Variants in S1PR2 observed in about 807,000 individuals in gnomAD.
S1PR2 encodes sphingosine-1-phosphate receptor 2, also known as sphingosine 1-phosphate receptor 2.
In S1PR2, 9 loss-of-function variants were observed where a neutral mutation model predicts 16.1. The observed-to-expected ratio is 0.56, with a 90% CI of 0.34 to 0.98. The LOEUF is 0.98. Among genes scored for constraint, S1PR2 ranks in the 50% least tolerant of loss-of-function variants. The pLI, the probability that S1PR2 is intolerant of heterozygous loss-of-function variation, is 0.02. For missense variants in S1PR2, 361 were observed against 488.4 expected (o/e 0.74, Z 2.46); for synonymous variants, 224 against 233.9 (o/e 0.96, Z 0.38).
chr19:10,224,796 G>A lies in S1PR2; in HGVS notation c.110C>T (p.Ser37Leu), dbSNP rs1363334635. The stretch of plus-strand genomic sequence containing the variant: ...GCAACAGAGGATGACGATGAAGGCC[G>A]AGGCCACCTGGCGGGAGGTCGTCTC... ...TQETTSRQVA[S>L]AFIVILCCAI... Residue 37 changes from serine to leucine, a missense_variant, in exon 2 of 2, where the codon TCG (serine) becomes TTG (leucine). By Grantham distance (145) the Ser-to-Leu change is moderately radical. Coordinates refer to ENST00000646641, the MANE Select transcript of S1PR2 (RefSeq NM_004230.4). The A allele has an allele frequency of 4.3e-6, 7 of 1,614,130 alleles. No homozygotes were observed. The highest frequency in any genetic ancestry group is 5.9e-6 in the Non-Finnish European group (7 of 1,180,052).
At chr19:10,225,980 G>A (rs199814671) in intron 1 of S1PR2, among the ~76,000 whole-genome samples, 7 of 151,842 alleles carry the variant, frequency 4.6e-5, no homozygotes, top group African/African-American at 7.3e-5. Flanking sequence ...GTAGCTACAC[G>A]CTTTCAAAGG....
At chr19:10,225,245 C>T (rs1035269465) in intron 1 of S1PR2, among the ~76,000 whole-genome samples, 1 of 152,066 alleles carries the variant, frequency 6.6e-6, no homozygotes, top group Non-Finnish European at 1.5e-5. Context: ...ATTTTAAAGA[C>T]AAGGTCTTGC....
chr19:10,230,829 G>A (rs1202859351), intron 1 of S1PR2, among the ~76,000 whole-genome samples: 2 of 152,298 alleles, frequency 1.3e-5, no homozygotes, highest in Admixed American at 6.5e-5. Flanking sequence ...ACATCCTTTT[G>A]CCCTCGCTCA....
At position 10,224,620 on chromosome 19, in the gene S1PR2, CAG is replaced by C. The variant is rs1175320455; in HGVS notation, c.284_285del (p.Ser95CysfsTer34). The C allele has an allele frequency of 2.5e-6, 4 of 1,614,074 alleles. No individual in the cohort carries two copies. On this transcript the variant is annotated frameshift_variant, in exon 2 of 2. Coordinates refer to ENST00000646641, the MANE Select transcript of S1PR2 (RefSeq NM_004230.4). LOFTEE classifies it high-confidence loss of function. ...AFVANTLLSG[S>X]VTLRLTPVQW... is the part of the protein sequence containing the mutation. Reference sequence around the variant, plus strand: ...TGCACAGGCGTCAGCCTCAGCGTGACAGAGCCAGAGAGCAAGGTATTGGCTAC... The same window carrying C: ...TGCACAGGCGTCAGCCTCAGCGTGACAGCCAGAGAGCAAGGTATTGGCTAC...
chr19:10,224,187 C>T lies in S1PR2; in HGVS notation c.719G>A (p.Gly240Asp). Residue 240 changes from glycine to aspartate, a missense_variant, in exon 2 of 2, where the codon GGC (glycine) becomes GAC (aspartate). Gly to Asp is a moderately conservative substitution (Grantham distance 94). Transcript: ENST00000646641. Reference protein sequence around the residue: ...ALLKTVTIVLGVFIVCWLPAF... With the variant: ...ALLKTVTIVLDVFIVCWLPAF... ...GGGCAGCCAGCAGACGATAAAGACG[C>T]CTAGCACGATGGTGACCGTCTTGAG... The T allele has an allele frequency of 6.2e-7, 1 of 1,610,966 alleles. No individual in the cohort carries two copies. Among genetic ancestry groups the T allele is most frequent in the Non-Finnish European group, 8.5e-7 (1 of 1,180,026 alleles).
chr19:10,225,640 C>T (rs906954226), intron 1 of S1PR2, among the ~76,000 whole-genome samples: 8 of 151,868 alleles, frequency 5.3e-5, no homozygotes, highest in Non-Finnish European at 7.4e-5. Context: ...CCTCATGATC[C>T]GCCTGCCTCG....
chr19:10,225,044 C>T (rs2039623660), intron 1 of S1PR2, 97 bp from the exon 2 acceptor site: 2 of 655,378 alleles, frequency 3.1e-6, no homozygotes, highest in Non-Finnish European at 5.2e-6. Context: ...ATTTCCTGCT[C>T]TGTTACTCTT....
intron 1 of S1PR2, among the ~76,000 whole-genome samples, chr19:10,226,675 C>A (rs2039637107): frequency 6.6e-6 from 1 of 152,134 alleles, no homozygotes; most frequent in Non-Finnish European, 1.5e-5. Context: ...GGCGCTGGCA[C>A]CCCCTCCCCA....
rs1372790217 is a variant in S1PR2, at chr19:10,221,886, T to TC, written c.*1957dup. ...TATCCACAGGTTTTTGTGAAGTCCT[T>TC]CTGGGGGGTTAGGGGAGAGTGTCCC... is the stretch of plus-strand genomic sequence containing the variant. On this transcript the variant is annotated 3_prime_UTR_variant, in exon 2 of 2. Transcript: ENST00000646641. 6.6e-6 allele frequency: 1 copy of TC among 152,536 alleles called. No individual in the cohort carries two copies. The highest frequency in any genetic ancestry group is 1.5e-5 in the Non-Finnish European group (1 of 68,230). 9.4% of individuals were successfully genotyped at this position (152,536 alleles called of 1,614,324 possible).
chr19:10,230,071 C>T (rs1242536794), intron 1 of S1PR2, among the ~76,000 whole-genome samples: 1 of 152,232 alleles, frequency 6.6e-6, no homozygotes, highest in Non-Finnish European at 1.5e-5. Context: ...ACCCAAACAG[C>T]AACAAAGGAG....
In S1PR2 at chr19:10,224,478, T is replaced by C; in HGVS notation, c.428A>G (p.Asp143Gly). The part of the protein sequence containing the change: ...AIAKVKLYGS[D>G]KSCRMLLLIG... Reference sequence around the variant, plus strand: ...GAGCAGAAGCATGCGGCAGCTCTTGTCGCTGCCATACAGCTTGACCTTGGC... The same window carrying C: ...GAGCAGAAGCATGCGGCAGCTCTTGCCGCTGCCATACAGCTTGACCTTGGC... Residue 143 changes from aspartate to glycine, a missense_variant, in exon 2 of 2, where the codon GAC becomes GGC. Asp to Gly is a moderately conservative substitution (Grantham distance 94). Coordinates refer to ENST00000646641, the MANE Select transcript of S1PR2 (RefSeq NM_004230.4). 6.2e-7 allele frequency: 1 copy of C among 1,613,852 alleles called. No individual in the cohort carries two copies. The highest frequency in any genetic ancestry group is 8.5e-7 in the Non-Finnish European group (1 of 1,180,034).
chr19:10,223,507 G>T lies in S1PR2; in HGVS notation c.*337C>A. 2.2e-5 allele frequency: 6 copies of T among 275,344 alleles called. No individual in the cohort carries two copies. Among genetic ancestry groups the T allele is most frequent in the Non-Finnish European group, 2.7e-5 (4 of 146,406 alleles). The allele number at this position is 275,344 out of a possible 1,614,324, so 17.1% of individuals were successfully genotyped here. A position where few individuals can be genotyped will look rare whatever the true frequency, so the allele number is the denominator to read the frequency against. ...TCTCAAAAAAAAAAAAAAATCCTTT[G>T]TACCAGGTGGTAAAGTGCTCCTGCC... On this transcript the variant is annotated 3_prime_UTR_variant, in exon 2 of 2. Coordinates refer to ENST00000646641, the MANE Select transcript of S1PR2 (RefSeq NM_004230.4).
rs554428190 is a variant in S1PR2 at position 10,230,814 on chromosome 19, C to G, written c.-43+390G>C. Among the ~76,000 whole-genome samples the G allele has an allele frequency of 1.8e-3, 276 of 152,348 alleles. 1 individual carries two copies. The highest frequency in any genetic ancestry group is 6.3e-3 in the African/African-American group (264 of 41,590). ...GCCCCTTGGCTTGGAGGCTCCACGG[C>G]GCGCACATCCTTTTGCCCTCGCTCA... On this transcript the variant is annotated intron_variant, in intron 1 of 1. Coordinates refer to ENST00000646641, the MANE Select transcript of S1PR2 (RefSeq NM_004230.4).
Position 10,224,430 on chromosome 19 carries a change from G to A in S1PR2, c.476C>T (p.Ser159Leu), listed in dbSNP as rs758826475. 3.7e-6 allele frequency: 6 copies of A among 1,613,490 alleles called. No homozygotes were observed. The highest frequency in any genetic ancestry group is 1.3e-5 in the African/African-American group (1 of 74,954). The change falls in exon 2 of 2, where the codon TCG (serine) becomes TTG (leucine). Residue 159 changes from serine (S) to leucine (L), a missense_variant. By Grantham distance (145) the Ser-to-Leu change is moderately radical. Transcript: ENST00000646641. ...GATGGGCAGGCCACCGAGGACCAGC[G>A]AGATGAGCCACGAGGCCCCGATGAG... ...LLLIGASWLI[S>L]LVLGGLPILG...
At position 10,226,908 on chromosome 19, in the gene S1PR2, GA is replaced by G. The variant is rs1048513276; in HGVS notation, c.-42-1962del. On this transcript the variant is annotated intron_variant, in intron 1 of 1. Transcript: ENST00000646641. Reference sequence around the variant, plus strand: ...GGAGGGGGTAAGGCATTTGTTCCATGAAAACCTGAGTCACCCCCCCAACCCC... The same window carrying G: ...GGAGGGGGTAAGGCATTTGTTCCATGAAACCTGAGTCACCCCCCCAACCCC... 2.0e-5 allele frequency among the ~76,000 whole-genome samples: 3 copies of G among 149,842 alleles called. No individual in the cohort carries two copies. The Admixed American group carries it at 2.0e-4, about 10-fold the overall frequency.
chr19:10,224,777 G>A lies in S1PR2; in HGVS notation c.129C>T (p.Leu43=). The stretch of plus-strand genomic sequence containing the variant: ...GGTTTTCCACCACAATGGCGCAACA[G>A]AGGATGACGATGAAGGCCGAGGCCA... The part of the protein sequence containing the change: ...RQVASAFIVI[L]CCAIVVENLL... The change falls in exon 2 of 2, where the codon CTC becomes CTT. Residue 43 remains leucine, a synonymous_variant. Coordinates refer to ENST00000646641, the MANE Select transcript of S1PR2 (RefSeq NM_004230.4). 6.2e-7 allele frequency: 1 copy of A among 1,614,252 alleles called. No homozygotes were observed. The highest frequency in any genetic ancestry group is 8.5e-7 in the Non-Finnish European group (1 of 1,180,048).
intron 1 of S1PR2, among the ~76,000 whole-genome samples, chr19:10,227,383 A>T (rs982376654): frequency 2.6e-5 from 4 of 152,100 alleles, no homozygotes; most frequent in Non-Finnish European, 5.9e-5. Context: ...GGCTGGATAG[A>T]GGCAGCTGCT....
At chr19:10,227,375 C>G (rs1179909079) in intron 1 of S1PR2, among the ~76,000 whole-genome samples, 2 of 152,114 alleles carry the variant, frequency 1.3e-5, no homozygotes, top group Non-Finnish European at 2.9e-5. Context: ...TGGCCCCTGG[C>G]TGGATAGAGG....
intron 1 of S1PR2, among the ~76,000 whole-genome samples, chr19:10,227,706 C>A (rs993659189): frequency 6.6e-6 from 1 of 152,160 alleles, no homozygotes; most frequent in African/African-American, 2.4e-5. Flanking sequence ...TCTGATTGGT[C>A]CAGTTGGGGG....
Sources: gnomAD v4.1 joint callset for allele counts (sites outside exome capture counted in the v4.1 genomes callset) on GRCh38, gnomAD v4.1.1 for gene constraint, MANE v1.5 for transcripts, NCBI Gene and HGNC (gene_info 2026-07-23, HGNC 2026-07-21) for gene names.